Variants in ABTB3 observed in about 807,000 individuals in gnomAD.
The protein encoded by ABTB3 is ankyrin repeat- and BTB/POZ domain-containing protein 3.
At chr12:107,399,977 G>A in the ABTB3 span, among the ~76,000 whole-genome samples, 1 of 152,032 alleles carries the variant, frequency 6.6e-6, no homozygotes, top group Non-Finnish European at 1.5e-5. Context: ...TGATGATGAT[G>A]GTTTCCAGCT....
chr12:107,322,715 A>ACCTTTTGAAAAGGTGCTACACTATTATC, the ABTB3 span, among the ~76,000 whole-genome samples: 12 of 151,812 alleles, frequency 7.9e-5, no homozygotes, highest in African/African-American at 2.9e-4. Context: ...GATCCCCAGT[A>ACCTTTTGAAAAGGTGCTACACTATTATC]CCCATTATAT....
the ABTB3 span, among the ~76,000 whole-genome samples, chr12:107,452,241 C>T: frequency 2.2e-5 from 3 of 136,680 alleles, no homozygotes; most frequent in African/African-American, 5.3e-5. Context: ...CGGAGTCTCA[C>T]TCTGTCGCCC....
At chr12:107,549,968 C>G in the ABTB3 span, among the ~76,000 whole-genome samples, 1 of 150,498 alleles carries the variant, frequency 6.6e-6, no homozygotes, top group Admixed American at 6.6e-5. Flanking sequence ...GATCTCAGCT[C>G]CTTGCACCTG....
the ABTB3 span, chr12:107,319,533 G>T: frequency 5.1e-6 from 8 of 1,557,856 alleles, no homozygotes; most frequent in South Asian, 7.0e-5. Context: ...GGCGGCGACC[G>T]CCTGGGCCGC....
the ABTB3 span, among the ~76,000 whole-genome samples, chr12:107,339,068 AGAG>A: frequency 6.6e-6 from 1 of 152,198 alleles, no homozygotes; most frequent in Non-Finnish European, 1.5e-5. Flanking sequence ...ACTCAAAAGG[AGAG>A]GAGGATGTAA....
chr12:107,554,617 T>C, the ABTB3 span, among the ~76,000 whole-genome samples: 2 of 152,232 alleles, frequency 1.3e-5, no homozygotes, highest in African/African-American at 4.8e-5. Context: ...GTTTATGGCC[T>C]GGATATATAT....
the ABTB3 span, among the ~76,000 whole-genome samples, chr12:107,600,312 A>G: frequency 5.9e-5 from 9 of 152,222 alleles, no homozygotes; most frequent in Admixed American, 5.2e-4. Flanking sequence ...AACAGTCCAC[A>G]GTTTATGAGA....
At chr12:107,628,762 T>A in the ABTB3 span, among the ~76,000 whole-genome samples, 1 of 152,202 alleles carries the variant, frequency 6.6e-6, no homozygotes, top group African/African-American at 2.4e-5. Context: ...TGATACATTC[T>A]CTTTTAGCCC....
At chr12:107,627,044 T>C in the ABTB3 span, among the ~76,000 whole-genome samples, 1 of 152,156 alleles carries the variant, frequency 6.6e-6, no homozygotes, top group Non-Finnish European at 1.5e-5. Flanking sequence ...ACTGACACGT[T>C]CCCAGTTCCA....
At chr12:107,388,790 G>T in the ABTB3 span, among the ~76,000 whole-genome samples, 1 of 152,358 alleles carries the variant, frequency 6.6e-6, no homozygotes, top group Middle Eastern at 3.4e-3. Flanking sequence ...TAAAGGGTTT[G>T]CACAGTGTCT....
At chr12:107,442,524 C>T in the ABTB3 span, among the ~76,000 whole-genome samples, 1 of 152,186 alleles carries the variant, frequency 6.6e-6, no homozygotes, top group South Asian at 2.1e-4. Flanking sequence ...CTTTTCCTCA[C>T]CAGGCTCCAA....
At chr12:107,372,696 C>T in the ABTB3 span, among the ~76,000 whole-genome samples, 76 of 152,342 alleles carry the variant, frequency 5.0e-4, 1 homozygote, top group East Asian at 0.012. Context: ...ACTGCTTCAC[C>T]CCCTTGCTTC....
At chr12:107,595,750 G>C in the ABTB3 span, among the ~76,000 whole-genome samples, 2 of 152,132 alleles carry the variant, frequency 1.3e-5, no homozygotes, top group Admixed American at 6.5e-5. Flanking sequence ...TAGCCTCTCT[G>C]TGCTGTCATT....
chr12:107,558,335 C>T, the ABTB3 span, among the ~76,000 whole-genome samples: 1 of 152,222 alleles, frequency 6.6e-6, no homozygotes, highest in East Asian at 1.9e-4. Flanking sequence ...CCACGATGTC[C>T]CTGCCATCCA....
At chr12:107,532,861 T>C in the ABTB3 span, among the ~76,000 whole-genome samples, 1 of 150,050 alleles carries the variant, frequency 6.7e-6, no homozygotes, top group Non-Finnish European at 1.5e-5. Context: ...AAGAATGGGA[T>C]GATATATTCA....
chr12:107,633,046 C>T, the ABTB3 span, among the ~76,000 whole-genome samples: 8 of 152,266 alleles, frequency 5.3e-5, no homozygotes, highest in East Asian at 3.9e-4. Context: ...ACTTTGGGCT[C>T]GCCCAGATAA....
the ABTB3 span, among the ~76,000 whole-genome samples, chr12:107,464,404 G>A: frequency 1.3e-5 from 2 of 152,064 alleles, no homozygotes; most frequent in Non-Finnish European, 2.9e-5. Flanking sequence ...GCAAACTCCT[G>A]GGCTCAAGTG....
the ABTB3 span, among the ~76,000 whole-genome samples, chr12:107,600,643 T>C: frequency 6.6e-6 from 1 of 152,326 alleles, no homozygotes; most frequent in South Asian, 2.1e-4. Context: ...GCTTCAGGAA[T>C]CTTCCATATG....
chr12:107,573,529 A>G, the ABTB3 span, among the ~76,000 whole-genome samples: 2 of 150,916 alleles, frequency 1.3e-5, no homozygotes, highest in Non-Finnish European at 2.9e-5. Context: ...ACAGATGGTG[A>G]GTGGACAGAT....
Sources: allele counts gnomAD v4.1 joint callset (sites outside exome capture counted in the v4.1 genomes callset), GRCh38; gene constraint gnomAD v4.1.1; transcripts MANE v1.5; gene names NCBI Gene and HGNC (gene_info 2026-07-23, HGNC 2026-07-21).